Variants in ENTREP2 observed in about 807,000 individuals in gnomAD.
ENTREP2 encodes the protein endosomal transmembrane epsin interactor 2.
the ENTREP2 span, among the ~76,000 whole-genome samples, chr15:29,188,995 G>A: frequency 1.3e-5 from 2 of 152,258 alleles, no homozygotes; most frequent in East Asian, 1.9e-4. Context: ...CCCCAACCTC[G>A]CCACATGCAT....
chr15:29,465,081 G>T, the ENTREP2 span, among the ~76,000 whole-genome samples: 9,105 of 152,024 alleles, frequency 0.06, 332 homozygotes, highest in Non-Finnish European at 0.073. Flanking sequence ...GTGACGATGC[G>T]GTTGGGAGCT....
At chr15:29,490,367 G>A in the ENTREP2 span, among the ~76,000 whole-genome samples, 15 of 152,172 alleles carry the variant, frequency 9.9e-5, no homozygotes, top group African/African-American at 2.9e-4. Context: ...CGCAAAGAGC[G>A]AAAGAACAAA....
chr15:29,665,336 T>A, the ENTREP2 span, among the ~76,000 whole-genome samples: 1 of 152,226 alleles, frequency 6.6e-6, no homozygotes, highest in Admixed American at 6.5e-5. Flanking sequence ...GTACTTGCAA[T>A]ATAGGCAAAA....
chr15:29,193,069 A>G, the ENTREP2 span, among the ~76,000 whole-genome samples: 25 of 152,320 alleles, frequency 1.6e-4, no homozygotes, highest in African/African-American at 4.8e-4. Context: ...TGTTCTCACC[A>G]TATCTATTCA....
the ENTREP2 span, among the ~76,000 whole-genome samples, chr15:29,208,257 C>T: frequency 3.3e-5 from 5 of 151,386 alleles, no homozygotes; most frequent in Non-Finnish European, 7.4e-5. Flanking sequence ...AACGTGAAAC[C>T]TACTTGCCAT....
At chr15:29,200,396 G>A in the ENTREP2 span, among the ~76,000 whole-genome samples, 1 of 152,010 alleles carries the variant, frequency 6.6e-6, no homozygotes, top group African/African-American at 2.4e-5. Flanking sequence ...GGCTGGTCTC[G>A]AATTCCTGGC....
the ENTREP2 span, among the ~76,000 whole-genome samples, chr15:29,146,207 C>A: frequency 1.3e-5 from 2 of 152,194 alleles, no homozygotes; most frequent in Non-Finnish European, 2.9e-5. Flanking sequence ...GGAGGACTTA[C>A]TATTGTTAAG....
chr15:29,591,586 T>C, the ENTREP2 span, among the ~76,000 whole-genome samples: 6 of 152,082 alleles, frequency 3.9e-5, no homozygotes, highest in Non-Finnish European at 8.8e-5. Flanking sequence ...TAATCCAAAA[T>C]GACTGGTATC....
chr15:29,474,664 C>T, the ENTREP2 span, among the ~76,000 whole-genome samples: 11 of 152,176 alleles, frequency 7.2e-5, no homozygotes, highest in Admixed American at 2.0e-4. Context: ...AAGTGATTCT[C>T]GTGCCTCAGC....
the ENTREP2 span, among the ~76,000 whole-genome samples, chr15:29,530,923 T>C: frequency 3.9e-5 from 6 of 152,184 alleles, no homozygotes; most frequent in African/African-American, 9.7e-5. Context: ...TTGAGCCCTG[T>C]CCTTGATCTC....
the ENTREP2 span, among the ~76,000 whole-genome samples, chr15:29,151,275 G>A: frequency 6.6e-6 from 1 of 152,156 alleles, no homozygotes; most frequent in African/African-American, 2.4e-5. Context: ...CTGGCCTCTG[G>A]AGTATGAGCT....
At chr15:29,215,426 C>G in the ENTREP2 span, among the ~76,000 whole-genome samples, 1 of 152,096 alleles carries the variant, frequency 6.6e-6, no homozygotes, top group Non-Finnish European at 1.5e-5. Context: ...CTACATCTTT[C>G]TCCCATGCTG....
At chr15:29,651,347 C>T in the ENTREP2 span, among the ~76,000 whole-genome samples, 3 of 152,230 alleles carry the variant, frequency 2.0e-5, no homozygotes, top group African/African-American at 7.2e-5. Context: ...CTGGAAAAGA[C>T]ACCAATTGGA....
chr15:29,547,347 A>G, the ENTREP2 span, among the ~76,000 whole-genome samples: 2 of 152,038 alleles, frequency 1.3e-5, no homozygotes, highest in African/African-American at 4.8e-5. Flanking sequence ...CTCAGCCTCT[A>G]AAAGTGCTGG....
the ENTREP2 span, among the ~76,000 whole-genome samples, chr15:29,665,885 G>T: frequency 3.0e-5 from 4 of 135,344 alleles, no homozygotes; most frequent in Non-Finnish European, 4.6e-5. Context: ...CCAGAGTCTC[G>T]CTCTGTCTCC....
the ENTREP2 span, among the ~76,000 whole-genome samples, chr15:29,273,794 A>G: frequency 6.6e-6 from 1 of 151,824 alleles, no homozygotes; most frequent in African/African-American, 2.4e-5. Context: ...TGAAAGTCAG[A>G]CTCCAAGTTC....
the ENTREP2 span, among the ~76,000 whole-genome samples, chr15:29,383,874 T>G: frequency 6.6e-6 from 1 of 152,054 alleles, no homozygotes; most frequent in Non-Finnish European, 1.5e-5. Context: ...CGCTCACAAG[T>G]CCTCCAAACA....
At chr15:29,321,257 T>G in the ENTREP2 span, among the ~76,000 whole-genome samples, 1 of 152,154 alleles carries the variant, frequency 6.6e-6, no homozygotes, top group Non-Finnish European at 1.5e-5. Flanking sequence ...AGTCGATTTA[T>G]CATCAAAAGG....
At chr15:29,638,795 T>C in the ENTREP2 span, among the ~76,000 whole-genome samples, 2 of 149,006 alleles carry the variant, frequency 1.3e-5, no homozygotes, top group Non-Finnish European at 3.0e-5. Flanking sequence ...CACTGTGGCA[T>C]TCATTGCCTT....
Sources: allele counts gnomAD v4.1 joint callset (sites outside exome capture counted in the v4.1 genomes callset), GRCh38; gene constraint gnomAD v4.1.1; transcripts MANE v1.5; gene names NCBI Gene and HGNC (gene_info 2026-07-23, HGNC 2026-07-21).